Variants in HCFC1 observed in about 807,000 individuals in gnomAD.
HCFC1 encodes the protein host cell factor C1.
A neutral mutation model predicts 105.5 loss-of-function variants in HCFC1; 7 were observed. That is an observed-to-expected ratio of 0.07 (90% confidence interval 0.04 to 0.12). HCFC1 has a LOEUF of 0.12. Ranked by LOEUF, HCFC1 falls within the 10% of genes least tolerant of loss-of-function variation. The pLI, the probability that HCFC1 is intolerant of heterozygous loss-of-function variation, is 1.00. For synonymous variants in HCFC1, 918 were observed against 828.1 expected (o/e 1.11, Z -1.86); for missense variants, 1,065 against 1,823.6 (o/e 0.58, Z 7.58).
chrX:153,964,463 GCCTT>G, intron 2 of HCFC1, 111 bp downstream of exon 2: 1 of 943,508 alleles, frequency 1.1e-6, no homozygotes, highest in African/African-American at 1.9e-5. Flanking sequence ...GTTCAGAGCA[GCCTT>G]GGCAGACTCT....
At chrX:153,967,841 GTGTGGAAGGGGACACATTTGATGCC>G (rs2065487143) in intron 1 of HCFC1, among the ~76,000 whole-genome samples, 1 of 111,872 alleles carries the variant, frequency 8.9e-6, no homozygotes, top group South Asian at 3.7e-4. Context: ...GGAGGGCTTG[GTGTGGAAGGGGACACATTTGATGCC>G]TGCCCAACGC....
In HCFC1 at chrX:153,949,297, C is replaced by T. The variant is rs201770950; in HGVS notation, c.*50G>A. On this transcript the variant is annotated 3_prime_UTR_variant, in exon 26 of 26. Transcript: ENST00000310441. The stretch of plus-strand genomic sequence containing the variant: ...GGAGGGGTGGGCCCTGGCGGGTGTT[C>T]CTGAAGCAGGGGGGTCTGGAGAAGA... 5,611 of 1,116,965 alleles carry T rather than the reference C, an allele frequency of 5.0e-3. 18 individuals carry two copies. The highest frequency in any genetic ancestry group is 6.9e-3 in the Middle Eastern group (28 of 4,051). 92.1% of individuals were successfully genotyped at this position (1,116,965 alleles called of 1,213,427 possible). A position where few individuals can be genotyped will look rare whatever the true frequency, so the allele number is the denominator to read the frequency against.
In HCFC1 at chrX:153,957,541, G is replaced by A. The variant is rs1557115457; in HGVS notation, c.2134-8C>T. ...TGGCAGGGGCCCTTTGGTCTGAAAG[G>A]GGGAAGCAGGTGCATGAGCCGGCAT... On this transcript the variant is annotated splice_region_variant and splice_polypyrimidine_tract_variant and intron_variant, in intron 12 of 25. Coordinates refer to ENST00000310441, the MANE Select transcript of HCFC1 (RefSeq NM_005334.3). 1 of 1,161,706 alleles carries A rather than the reference G, an allele frequency of 8.6e-7. No individual in the cohort carries two copies. Among genetic ancestry groups the A allele is most frequent in the Middle Eastern group, 2.4e-4 (1 of 4,104 alleles).
rs3027886 is a variant in HCFC1 at position 153,956,117 on chromosome X, G to A, written c.2856+74C>T. 6,117 of 974,593 alleles carry A rather than the reference G, an allele frequency of 6.3e-3. 201 individuals are homozygous for A. The African/African-American group carries it at 0.098, about 16-fold the overall frequency. 80.3% of individuals were successfully genotyped at this position (974,593 alleles called of 1,213,427 possible). Reference sequence around the variant, plus strand: ...CACCAGGAAGGAAAGGCCTGTGGACGGACGGCGTGAGCCTCACGTGCTTCC... The same window carrying A: ...CACCAGGAAGGAAAGGCCTGTGGACAGACGGCGTGAGCCTCACGTGCTTCC... On this transcript the variant is annotated intron_variant, in intron 16 of 25. Transcript: ENST00000310441.
At chrX:153,960,816 G>A (rs969625489) in intron 6 of HCFC1, among the ~76,000 whole-genome samples, 6 of 112,504 alleles carry the variant, frequency 5.3e-5, no homozygotes, top group Admixed American at 9.4e-5. Context: ...TTTCAGGCCC[G>A]CAGCAGCTGG....
At chrX:153,969,878 C>T (rs782185483) in intron 1 of HCFC1, 6 of 112,960 alleles carry the variant, frequency 5.3e-5, no homozygotes, top group Non-Finnish European at 7.5e-5. Context: ...TGGAATTCAG[C>T]TTGTAAACCA....
intron 3 of HCFC1, 146 bp from the exon 4 acceptor site, chrX:153,963,579 G>A: frequency 2.2e-6 from 1 of 461,858 alleles, no homozygotes; most frequent in Admixed American, 3.6e-5. Context: ...TAGCTCTTGA[G>A]GAAGGGGCTG....
chrX:153,967,309 A>G (rs900694889), intron 1 of HCFC1, among the ~76,000 whole-genome samples: 2 of 111,188 alleles, frequency 1.8e-5, no homozygotes, highest in African/African-American at 6.5e-5. Context: ...CCTGCACTAG[A>G]TGAAGACCAC....
chrX:153,953,183 G>A, intron 18 of HCFC1: 2 of 446,548 alleles, frequency 4.5e-6, no homozygotes, highest in Non-Finnish European at 7.8e-6. Context: ...ACCTTTCCTT[G>A]TGGGCCTAAG....
chrX:153,948,711 C>T lies in HCFC1; in HGVS notation c.*636G>A, dbSNP rs1557111627. 8.9e-6 allele frequency: 1 copy of T among 112,579 alleles called. No homozygotes were observed. The highest frequency in any genetic ancestry group is 3.2e-5 in the African/African-American group (1 of 30,956). The allele number at this position is 112,579 out of a possible 1,213,427, so 9.3% of individuals were successfully genotyped here. On this transcript the variant is annotated 3_prime_UTR_variant, in exon 26 of 26. Transcript: ENST00000310441. ...AGGCGCTGCCCAGGCCGCCGCGGGGCTCCTTGCCCCTTTTTTCTTTTTCCT... is the reference window on the plus strand; with the variant it reads ...AGGCGCTGCCCAGGCCGCCGCGGGGTTCCTTGCCCCTTTTTTCTTTTTCCT...
Position 153,971,319 on chromosome X carries a change from C to A in HCFC1, c.-479G>T. On this transcript the variant is annotated 5_prime_UTR_variant, in exon 1 of 26. Transcript: ENST00000310441. ...GGAAAGGAGCCACAAGCGCCGCGGT[C>A]GTCGCAGCCCCGCCGGCGCTCAGAC... The A allele has an allele frequency of 3.3e-6, 1 of 298,518 alleles. No individual in the cohort carries two copies. Among genetic ancestry groups the A allele is most frequent in the South Asian group, 1.9e-4 (1 of 5,195 alleles). 24.6% of individuals were successfully genotyped at this position (298,518 alleles called of 1,213,427 possible).
chrX:153,971,744 G>A lies in HCFC1; in HGVS notation c.-904C>T. On this transcript the variant is annotated 5_prime_UTR_variant, in exon 1 of 26. Coordinates refer to ENST00000310441, the MANE Select transcript of HCFC1 (RefSeq NM_005334.3). Reference sequence around the variant, plus strand: ...CAAAGAGCTAGAGTTAGGCCCCGAAGCGGCAACTGTACGGCAGAAGAAGCG... The same window carrying A: ...CAAAGAGCTAGAGTTAGGCCCCGAAACGGCAACTGTACGGCAGAAGAAGCG... 1 of 298,082 alleles carries A rather than the reference G, an allele frequency of 3.4e-6. No individual in the cohort carries two copies. Among genetic ancestry groups the A allele is most frequent in the Non-Finnish European group, 5.9e-6 (1 of 170,352 alleles). 24.6% of individuals were successfully genotyped at this position (298,082 alleles called of 1,213,427 possible). A position where few individuals can be genotyped will look rare whatever the true frequency, so the allele number is the denominator to read the frequency against.
chrX:153,956,443 G>A (rs201672897), intron 15 of HCFC1, 32 bp from the exon 16 acceptor site: 1 of 1,171,884 alleles, frequency 8.5e-7, no homozygotes, highest in East Asian at 3.0e-5. Context: ...TTGGGCCAAG[G>A]CTGCTGCTGT....
intron 4 of HCFC1, 60 bp downstream of exon 4, chrX:153,963,165 C>A (rs2065445080): frequency 2.1e-6 from 2 of 933,800 alleles, no homozygotes; most frequent in African/African-American, 1.9e-5. Flanking sequence ...ACCCACGGGG[C>A]CAGCCAAGAG....
chrX:153,960,185 G>T, intron 7 of HCFC1, 24 bp from the exon 8 acceptor site: 2 of 1,200,022 alleles, frequency 1.7e-6, no homozygotes, highest in South Asian at 3.6e-5. Context: ...CAGTTGGTGA[G>T]AAGGGGCGGG....
chrX:153,953,638 T>C lies in HCFC1; in HGVS notation c.4466A>G (p.Gln1489Arg). Reference sequence around the variant, plus strand: ...AGAGGGGCCCGGGACCGGTGTGGACTGCGTCACGGTGGTCACAGCCCGCGT... The same window carrying C: ...AGAGGGGCCCGGGACCGGTGTGGACCGCGTCACGGTGGTCACAGCCCGCGT... Reference protein sequence around the residue: ...TLTRAVTTVTQSTPVPGPSVP... With the variant: ...TLTRAVTTVTRSTPVPGPSVP... Residue 1489 changes from glutamine to arginine, a missense_variant, in exon 18 of 26, where the codon CAG becomes CGG. Gln to Arg is a conservative substitution (Grantham distance 43, BLOSUM62 1). This residue lies in a region of HCFC1 where 546 missense variants were observed against 599.9 expected (regional missense o/e 0.91). Transcript: ENST00000310441. 1.7e-6 allele frequency: 2 copies of C among 1,209,944 alleles called. No individual in the cohort carries two copies. Among genetic ancestry groups the C allele is most frequent in the African/African-American group, 1.7e-5 (1 of 57,671 alleles).
rs1557112037 is a variant in HCFC1, at chrX:153,950,227, C to T, written c.6004+16G>A. ...GGCCTTCCCTGTGCCTGAAGAGCTCCACGAAGGACACTCACCCTGCAGCCA... is the reference window on the plus strand; with the variant it reads ...GGCCTTCCCTGTGCCTGAAGAGCTCTACGAAGGACACTCACCCTGCAGCCA... On this transcript the variant is annotated intron_variant, in intron 24 of 25. Transcript: ENST00000310441. 9 of 1,151,306 alleles carry T rather than the reference C, an allele frequency of 7.8e-6. No individual in the cohort carries two copies. The highest frequency in any genetic ancestry group is 1.0e-5 in the Non-Finnish European group (9 of 863,467). 94.9% of individuals were successfully genotyped at this position (1,151,306 alleles called of 1,213,427 possible). A position where few individuals can be genotyped will look rare whatever the true frequency, so the allele number is the denominator to read the frequency against.
At chrX:153,956,156 C>A (rs2065374662) in intron 16 of HCFC1, 35 bp downstream of exon 16, 1 of 1,145,795 alleles carries the variant, frequency 8.7e-7, no homozygotes. Flanking sequence ...TGTGTGGGGT[C>A]CCTCGCCCAC....
At chrX:153,968,577 G>C (rs2065494227) in intron 1 of HCFC1, among the ~76,000 whole-genome samples, 1 of 112,485 alleles carries the variant, frequency 8.9e-6, no homozygotes, top group Non-Finnish European at 1.9e-5. Flanking sequence ...ATTTTAAGCA[G>C]CCCTTTGGAA....
Sources: gnomAD v4.1 joint callset for allele counts (sites outside exome capture counted in the v4.1 genomes callset) on GRCh38, gnomAD v4.1.1 for gene constraint, gnomAD v4.1.1 regional missense constraint, MANE v1.5 for transcripts, NCBI Gene and HGNC (gene_info 2026-07-23, HGNC 2026-07-21) for gene names.